SSBP1: variants seen among roughly 807,000 people sequenced by gnomAD.
The protein encoded by SSBP1 is single stranded DNA binding protein 1, also known as single-stranded DNA-binding protein, mitochondrial.
In SSBP1, 20 loss-of-function variants were observed where a neutral mutation model predicts 27.0. The observed-to-expected ratio is 0.74, with a 90% CI of 0.52 to 1.08. The LOEUF is 1.08. Among genes scored for constraint, SSBP1 ranks in the 50% least tolerant of loss-of-function variants. SSBP1 has a pLI of 0.00. For synonymous variants in SSBP1, 59 were observed against 59.3 expected, an observed-to-expected ratio of 1.00 and a Z score of 0.02; for missense variants, 137 against 182.4, an observed-to-expected ratio of 0.75 and a Z score of 1.44.
chr7:141,750,416 T>C lies in SSBP1; in HGVS notation c.*62T>C. ...TCTCATTTCCAAGTCATGTATAATCTTTATGGCTTCCAAGGACAAGAATTA... is the reference window on the plus strand; with the variant it reads ...TCTCATTTCCAAGTCATGTATAATCCTTATGGCTTCCAAGGACAAGAATTA... On this transcript the variant is annotated 3_prime_UTR_variant, in exon 7 of 7. Transcript: ENST00000265304. The C allele has an allele frequency of 7.5e-7, 1 of 1,330,316 alleles. No individual in the cohort carries two copies. The highest frequency in any genetic ancestry group is 2.5e-5 in the Admixed American group (1 of 40,216). The allele number at this position is 1,330,316 out of a possible 1,614,324, so 82.4% of individuals were successfully genotyped here.
chr7:141,740,773 A>G (rs1443308837), intron 2 of SSBP1: 1 of 152,200 alleles, frequency 6.6e-6, no homozygotes, highest in Non-Finnish European at 1.5e-5. Flanking sequence ...TTTCCTATGA[A>G]ATATTTATAA....
At chr7:141,742,639 G>T (rs1227133911) in intron 3 of SSBP1, among the ~76,000 whole-genome samples, 1 of 152,158 alleles carries the variant, frequency 6.6e-6, no homozygotes, top group Non-Finnish European at 1.5e-5. Context: ...ATATCTTAAA[G>T]AATTTAAGAT....
At chr7:141,744,138 AC>A in intron 5 of SSBP1, 149 bp downstream of exon 5, 1 of 654,934 alleles carries the variant, frequency 1.5e-6, no homozygotes, top group Non-Finnish European at 2.5e-6. Context: ...AGTCCTTGAT[AC>A]TATATGCATG....
chr7:141,744,536 C>T (rs777765580), intron 5 of SSBP1, among the ~76,000 whole-genome samples: 1 of 152,116 alleles, frequency 6.6e-6, no homozygotes, highest in African/African-American at 2.4e-5. Context: ...GTTTTCCAAA[C>T]TCATAGAAGG....
intron 6 of SSBP1, among the ~76,000 whole-genome samples, chr7:141,746,725 C>G (rs986099182): frequency 2.0e-5 from 3 of 152,012 alleles, no homozygotes; most frequent in Admixed American, 6.6e-5. Context: ...AGAAGATATC[C>G]CTTAGGAAAG....
At chr7:141,745,410 T>C in intron 5 of SSBP1, 86 bp from the exon 6 acceptor site, 1 of 1,110,948 alleles carries the variant, frequency 9.0e-7, no homozygotes, top group Non-Finnish European at 1.3e-6. Context: ...ATTTCATCCT[T>C]GTCATATACT....
chr7:141,742,890 T>A (rs1799599050), intron 3 of SSBP1, among the ~76,000 whole-genome samples: 1 of 152,234 alleles, frequency 6.6e-6, no homozygotes, highest in South Asian at 2.1e-4. Context: ...AGTCTTGCTC[T>A]GTCGCCCAGG....
At chr7:141,748,889 G>A (rs563987184) in intron 6 of SSBP1, among the ~76,000 whole-genome samples, 112 of 152,190 alleles carry the variant, frequency 7.4e-4, no homozygotes, top group African/African-American at 2.6e-3. Flanking sequence ...ATATTAATTC[G>A]AGTAGTTTGT....
At chr7:141,745,763 T>C (rs1230537199) in intron 6 of SSBP1, 179 bp downstream of exon 6, 1 of 1,337,050 alleles carries the variant, frequency 7.5e-7, no homozygotes, top group Non-Finnish European at 9.6e-7. Flanking sequence ...ATTTATCCCT[T>C]CCTTTAAAAA....
At position 141,747,683 on chromosome 7, in the gene SSBP1, C is replaced by T. The variant is rs572181264; in HGVS notation, c.403+2099C>T. Among the ~76,000 whole-genome samples the T allele has an allele frequency of 5.3e-5, 8 of 151,336 alleles. No individual in the cohort carries two copies. The East Asian group carries it at 5.9e-4, about 11-fold the overall frequency. On this transcript the variant is annotated intron_variant, in intron 6 of 6. Transcript: ENST00000265304. ...GATTACAGGCGTGAGCCACCGTGCC[C>T]GGCTAGATAATATTTTTTAAAAATT...
chr7:141,741,198 T>C (rs975524454), intron 2 of SSBP1: 2 of 152,254 alleles, frequency 1.3e-5, no homozygotes, highest in Admixed American at 6.5e-5. Flanking sequence ...CCTCAGATCA[T>C]CAGGCATTAG....
At position 141,741,807 on chromosome 7, in the gene SSBP1, T is replaced by G. The variant is rs17162426; in HGVS notation, c.25-362T>G. 2.6e-3 allele frequency: 2,675 copies of G among 1,015,324 alleles called. 54 individuals are homozygous for G. The African/African-American group carries it at 0.042, about 16-fold the overall frequency. 62.9% of individuals were successfully genotyped at this position (1,015,324 alleles called of 1,614,324 possible). On this transcript the variant is annotated intron_variant, in intron 2 of 6. Coordinates refer to ENST00000265304, the MANE Select transcript of SSBP1 (RefSeq NM_003143.3). Reference sequence around the variant, plus strand: ...GCAACTCTTAGGTACAGGTTGGATTTACAAATATTATCATACTCTGTAATG... The same window carrying G: ...GCAACTCTTAGGTACAGGTTGGATTGACAAATATTATCATACTCTGTAATG...
chr7:141,738,729 A>G (rs780515381), intron 1 of SSBP1: 3 of 155,434 alleles, frequency 1.9e-5, no homozygotes, highest in Admixed American at 6.5e-5. Context: ...TGGTGATGCT[A>G]ATATTTATGG....
At chr7:141,742,878 T>A (rs564784350) in intron 3 of SSBP1, among the ~76,000 whole-genome samples, 2 of 152,146 alleles carry the variant, frequency 1.3e-5, no homozygotes, top group Non-Finnish European at 2.9e-5. Context: ...TTTTTGAGAC[T>A]GAGTCTTGCT....
At chr7:141,738,641 G>A (rs76825597) in intron 1 of SSBP1, 3,293 of 152,624 alleles carry the variant, frequency 0.022, 118 homozygotes, top group African/African-American at 0.076. Flanking sequence ...TAGCCCGGGG[G>A]TCTCTACGCT....
intron 5 of SSBP1, among the ~76,000 whole-genome samples, chr7:141,744,864 TTGG>T (rs1799714874): frequency 1.3e-5 from 2 of 152,170 alleles, no homozygotes; most frequent in Admixed American, 1.3e-4. Context: ...TTGTACTTTT[TTGG>T]TGGTGGTAGA....
intron 6 of SSBP1, among the ~76,000 whole-genome samples, chr7:141,746,804 G>A (rs888099529): frequency 5.3e-5 from 8 of 152,094 alleles, no homozygotes; most frequent in African/African-American, 4.8e-5. Flanking sequence ...GTCTGCAAGC[G>A]ACATTAAGAA....
At position 141,742,175 on chromosome 7, in the gene SSBP1, C is replaced by G. The variant is rs767820643; in HGVS notation, c.31C>G (p.Arg11Gly). MFRRPVLQVLRQFVRHESETT... is the reference protein window; with the variant it reads MFRRPVLQVLGQFVRHESETT... ...TTCATTTGTTCTTCTTTAGGTACTT[C>G]GTCAGTTTGTAAGACATGAGTCCGA... The change falls in exon 3 of 7, where the codon CGT becomes GGT. Residue 11 changes from arginine (R) to glycine (G), a missense_variant. Arg to Gly is a moderately radical substitution (Grantham distance 125). Transcript: ENST00000265304. The G allele has an allele frequency of 4.4e-6, 7 of 1,598,662 alleles. No individual in the cohort carries two copies. Among genetic ancestry groups the G allele is most frequent in the South Asian group, 1.1e-5 (1 of 89,994 alleles).
At chr7:141,738,989 A>T in intron 1 of SSBP1, 135 bp from the exon 2 acceptor site, 1 of 497,514 alleles carries the variant, frequency 2.0e-6, no homozygotes. Flanking sequence ...TCAGATGTGC[A>T]GGAATGTTGG....
Sources: allele counts gnomAD v4.1 joint callset (sites outside exome capture counted in the v4.1 genomes callset), GRCh38; gene constraint gnomAD v4.1.1; transcripts MANE v1.5; gene names NCBI Gene and HGNC (gene_info 2026-07-23, HGNC 2026-07-21).